The following SUPT3H variants were observed in gnomAD, a reference collection of about 807,000 sequenced individuals.
SUPT3H encodes the protein transcription initiation protein SPT3 homolog.
Under a neutral mutation model 44.3 loss-of-function variants are expected in SUPT3H, and 44 were observed. The ratio of observed to expected loss-of-function variants is 0.99; its 90% CI spans 0.78 to 1.28. The LOEUF (loss-of-function observed/expected upper bound fraction) is 1.28, where lower values mean the gene tolerates loss of function less well. SUPT3H is among the 50% of genes most tolerant of loss of function. The pLI is 0.00. For synonymous variants in SUPT3H, 124 were observed against 125.6 expected, an observed-to-expected ratio of 0.99 and a Z score of 0.09; for missense variants, 380 against 387.1, an observed-to-expected ratio of 0.98 and a Z score of 0.15.
chr6:45,271,180 G>A (rs1776082192), intron 2 of SUPT3H, among the ~76,000 whole-genome samples: 1 of 152,216 alleles, frequency 6.6e-6, no homozygotes, highest in African/African-American at 2.4e-5. Flanking sequence ...CATTTTCTGG[G>A]GAGAAATTCA....
chr6:44,910,609 T>C lies in SUPT3H; in HGVS notation c.912+22044A>G, dbSNP rs78432005. 5.4e-3 allele frequency among the ~76,000 whole-genome samples: 824 copies of C among 152,144 alleles called. 12 individuals carry two copies. The highest frequency in any genetic ancestry group is 0.019 in the African/African-American group (793 of 41,508). Reference sequence around the variant, plus strand: ...AAAATATTATCTAAAGAAATTAAGATTGTGAATCTTCTTCATAATTAGGCA... The same window carrying C: ...AAAATATTATCTAAAGAAATTAAGACTGTGAATCTTCTTCATAATTAGGCA... On this transcript the variant is annotated intron_variant, in intron 10 of 10. Transcript: ENST00000371459.
At chr6:44,981,264 A>G (rs1779056828) in intron 6 of SUPT3H, among the ~76,000 whole-genome samples, 1 of 152,236 alleles carries the variant, frequency 6.6e-6, no homozygotes, top group Non-Finnish European at 1.5e-5. Context: ...AAATAAATGA[A>G]GGATGGATTT....
chr6:45,021,361 T>C (rs1785108361), intron 3 of SUPT3H, among the ~76,000 whole-genome samples: 1 of 151,842 alleles, frequency 6.6e-6, no homozygotes, highest in Non-Finnish European at 1.5e-5. Flanking sequence ...TACTTAAAAA[T>C]GACATGGAAA....
chr6:44,929,839 A>G (rs1770259641), intron 10 of SUPT3H, among the ~76,000 whole-genome samples: 1 of 151,300 alleles, frequency 6.6e-6, no homozygotes, highest in African/African-American at 2.4e-5. Context: ...ATTGACACAC[A>G]CAGTCTACAA....
intron 6 of SUPT3H, among the ~76,000 whole-genome samples, chr6:44,986,296 C>T (rs1779782822): frequency 6.6e-6 from 1 of 152,174 alleles, no homozygotes; most frequent in Non-Finnish European, 1.5e-5. Flanking sequence ...TACCTAATCT[C>T]TGTGCTTCAG....
chr6:45,276,839 C>G (rs968085552), intron 2 of SUPT3H, among the ~76,000 whole-genome samples: 3 of 152,190 alleles, frequency 2.0e-5, no homozygotes, highest in East Asian at 1.9e-4. Context: ...TTGCATGCCA[C>G]AGAGACTTTG....
chr6:44,947,724 T>C (rs1388482641), intron 9 of SUPT3H, among the ~76,000 whole-genome samples: 1 of 152,170 alleles, frequency 6.6e-6, no homozygotes, highest in Non-Finnish European at 1.5e-5. Context: ...CATTTAGATA[T>C]ATTGTTCAAG....
In SUPT3H at chr6:44,826,948, C is replaced by G. The variant is rs549796554; in HGVS notation, c.*2868G>C. ...TAAAATTGAAACAGTATTTTTGAAT[C>G]ACAACGATTACAATCTAAGAAGGCA... On this transcript the variant is annotated 3_prime_UTR_variant, in exon 11 of 11. Coordinates refer to ENST00000371459, the MANE Select transcript of SUPT3H (RefSeq NM_003599.4). Among the ~76,000 whole-genome samples, 2 of 152,232 alleles carry G rather than the reference C, an allele frequency of 1.3e-5. No homozygotes were observed. Among genetic ancestry groups the G allele is most frequent in the African/African-American group, 4.8e-5 (2 of 41,560 alleles).
intron 3 of SUPT3H, among the ~76,000 whole-genome samples, chr6:45,047,006 G>A (rs967661065): frequency 5.3e-5 from 8 of 151,892 alleles, no homozygotes; most frequent in African/African-American, 1.9e-4. Flanking sequence ...TGTCACTGCC[G>A]GTATATAAAA....
At chr6:45,261,038 G>C (rs1197119607) in intron 2 of SUPT3H, among the ~76,000 whole-genome samples, 2 of 152,006 alleles carry the variant, frequency 1.3e-5, no homozygotes, top group African/African-American at 4.8e-5. Context: ...CCAAGAATTA[G>C]AAGTATATTT....
chr6:44,887,301 T>C (rs911585413), intron 10 of SUPT3H, among the ~76,000 whole-genome samples: 8 of 152,100 alleles, frequency 5.3e-5, no homozygotes, highest in Non-Finnish European at 8.8e-5. Context: ...CCACTGCAAA[T>C]CAACAGAATA....
At chr6:45,376,536 C>A (rs1796798229) in intron 1 of SUPT3H, among the ~76,000 whole-genome samples, 1 of 152,212 alleles carries the variant, frequency 6.6e-6, no homozygotes, top group Non-Finnish European at 1.5e-5. Context: ...TGCCTAAAGG[C>A]ACAGATTATG....
At chr6:45,092,336 A>G (rs943921717) in intron 3 of SUPT3H, among the ~76,000 whole-genome samples, 44 of 152,208 alleles carry the variant, frequency 2.9e-4, no homozygotes, top group Admixed American at 2.9e-3. Flanking sequence ...TTAGAAGTGC[A>G]AAGTCAGTGA....
intron 2 of SUPT3H, among the ~76,000 whole-genome samples, chr6:45,241,118 G>A (rs143673982): frequency 2.6e-5 from 4 of 152,226 alleles, no homozygotes; most frequent in African/African-American, 9.6e-5. Context: ...TGCAGATCCC[G>A]ACTCCTGCGA....
Position 45,226,771 on chromosome 6 carries a change from C to T in SUPT3H, c.102-120765G>A, listed in dbSNP as rs139418187. 2.2e-3 allele frequency among the ~76,000 whole-genome samples: 334 copies of T among 152,124 alleles called. 1 individual carries two copies. The highest frequency in any genetic ancestry group is 7.5e-3 in the African/African-American group (313 of 41,508). On this transcript the variant is annotated intron_variant, in intron 2 of 10. Transcript: ENST00000371459. The stretch of plus-strand genomic sequence containing the variant: ...GTCTCGAACTCCTGACCTCATGATC[C>T]GCCCGCCCTGCCCTCCTAAAGTGCT...
intron 5 of SUPT3H, among the ~76,000 whole-genome samples, chr6:45,011,328 T>G (rs1783453242): frequency 6.6e-6 from 1 of 152,144 alleles, no homozygotes; most frequent in African/African-American, 2.4e-5. Flanking sequence ...GTGGAAATTT[T>G]TAAGCTACTA....
chr6:45,213,953 G>A (rs1352426817), intron 2 of SUPT3H, among the ~76,000 whole-genome samples: 1 of 124,934 alleles, frequency 8.0e-6, no homozygotes, highest in Admixed American at 9.5e-5. Context: ...CTATTTAAAT[G>A]TAATCAGCCA....
intron 3 of SUPT3H, among the ~76,000 whole-genome samples, chr6:45,054,663 G>T (rs1481825499): frequency 6.6e-6 from 1 of 152,056 alleles, no homozygotes; most frequent in Non-Finnish European, 1.5e-5. Flanking sequence ...GCTTTGAAAA[G>T]TTCCAATATA....
At chr6:45,128,295 A>G (rs1802746608) in intron 2 of SUPT3H, among the ~76,000 whole-genome samples, 1 of 151,524 alleles carries the variant, frequency 6.6e-6, no homozygotes, top group African/African-American at 2.4e-5. Context: ...TCACGAGGTC[A>G]GGAGATTGAG....
Sources: allele counts gnomAD v4.1 joint callset (sites outside exome capture counted in the v4.1 genomes callset), GRCh38; gene constraint gnomAD v4.1.1; transcripts MANE v1.5; gene names NCBI Gene and HGNC (gene_info 2026-07-23, HGNC 2026-07-21).